STK32B: variants seen among roughly 807,000 people sequenced by gnomAD.
STK32B encodes the protein serine/threonine kinase 32B, also known as serine/threonine-protein kinase 32B.
A neutral mutation model predicts 52.6 loss-of-function variants in STK32B; 43 were observed. That is an observed-to-expected ratio of 0.82 (90% CI 0.64 to 1.05). The LOEUF (loss-of-function observed/expected upper bound fraction) is 1.05. Among genes scored for constraint, STK32B ranks in the 50% least tolerant of loss-of-function variants. The pLI, the probability that STK32B is intolerant of heterozygous loss-of-function variation, is 0.00. For missense variants in STK32B, 621 were observed against 534.6 expected, an observed-to-expected ratio of 1.16 and a Z score of -1.59; for synonymous variants, 238 against 204.3, an observed-to-expected ratio of 1.17 and a Z score of -1.41.
intron 3 of STK32B, among the ~76,000 whole-genome samples, chr4:5,215,697 C>G (rs553747593): frequency 6.6e-6 from 1 of 152,216 alleles, no homozygotes; most frequent in Non-Finnish European, 1.5e-5. Flanking sequence ...GTTGTTTAAA[C>G]CAAAGCCACT....
chr4:5,070,580 G>C (rs1031832077), intron 1 of STK32B, among the ~76,000 whole-genome samples: 1 of 152,176 alleles, frequency 6.6e-6, no homozygotes, highest in Non-Finnish European at 1.5e-5. Context: ...CTTACTTGGA[G>C]ATACAGGATA....
At chr4:5,162,709 A>G (rs1718540659) in intron 2 of STK32B, among the ~76,000 whole-genome samples, 1 of 152,172 alleles carries the variant, frequency 6.6e-6, no homozygotes, top group Non-Finnish European at 1.5e-5. Context: ...GCTTGCTGTC[A>G]CCTCATTAAC....
chr4:5,052,251 C>G (rs994756021), intron 1 of STK32B, among the ~76,000 whole-genome samples: 1 of 152,026 alleles, frequency 6.6e-6, no homozygotes, highest in Admixed American at 6.5e-5. Flanking sequence ...GGCTCGGGCT[C>G]CCCAGGAAAC....
chr4:5,124,762 G>A (rs367965745), intron 1 of STK32B, among the ~76,000 whole-genome samples: 2 of 152,192 alleles, frequency 1.3e-5, no homozygotes, highest in Admixed American at 6.5e-5. Context: ...ATAGATGCAC[G>A]TGTGTGTTTT....
chr4:5,296,982 A>C (rs922623238), intron 3 of STK32B, among the ~76,000 whole-genome samples: 1 of 152,172 alleles, frequency 6.6e-6, no homozygotes, highest in Non-Finnish European at 1.5e-5. Flanking sequence ...GGTGGTGACA[A>C]AATCCCTCAG....
At chr4:5,208,334 G>A (rs1722705804) in intron 3 of STK32B, among the ~76,000 whole-genome samples, 5 of 152,190 alleles carry the variant, frequency 3.3e-5, no homozygotes, top group South Asian at 2.1e-4. Context: ...ATATTGCTGA[G>A]TAGAATGATT....
intron 1 of STK32B, among the ~76,000 whole-genome samples, chr4:5,134,055 T>G (rs547824337): frequency 6.6e-6 from 1 of 152,316 alleles, no homozygotes; most frequent in South Asian, 2.1e-4. Flanking sequence ...CTCTCTCTGC[T>G]GCAGCCCAAT....
chr4:5,426,970 A>G (rs950715789), intron 6 of STK32B: 2 of 152,208 alleles, frequency 1.3e-5, no homozygotes, highest in Admixed American at 6.5e-5. Context: ...AAACACCACT[A>G]TACTTAGACC....
At chr4:5,450,688 G>A (rs1715911960) in intron 7 of STK32B, among the ~76,000 whole-genome samples, 1 of 152,176 alleles carries the variant, frequency 6.6e-6, no homozygotes, top group South Asian at 2.1e-4. Context: ...GAAGAAATTA[G>A]TAATTATATC....
Position 5,438,542 on chromosome 4 carries a change from C to T in STK32B, c.563-8131C>T, listed in dbSNP as rs369713882. 1.3e-3 allele frequency among the ~76,000 whole-genome samples: 197 copies of T among 152,248 alleles called. 1 individual carries two copies. The highest frequency in any genetic ancestry group is 3.8e-3 in the African/African-American group (159 of 41,530). On this transcript the variant is annotated intron_variant, in intron 6 of 11. Coordinates refer to ENST00000282908, the MANE Select transcript of STK32B (RefSeq NM_018401.3). ...ATTTCTGGTTTGGGTAACTGATGGA[C>T]GATGGGGAGGCCAAGCATGGCAGAG...
intron 2 of STK32B, among the ~76,000 whole-genome samples, chr4:5,141,522 T>G (rs1716451514): frequency 6.6e-6 from 1 of 151,872 alleles, no homozygotes; most frequent in Admixed American, 6.5e-5. Context: ...AGAGAAGGCT[T>G]GGGGGTTTCT....
chr4:5,268,067 C>G (rs903669806), intron 3 of STK32B, among the ~76,000 whole-genome samples: 2 of 152,178 alleles, frequency 1.3e-5, no homozygotes, highest in Non-Finnish European at 2.9e-5. Context: ...TGCCAGCAGC[C>G]TGTGGACTGA....
At chr4:5,150,444 T>G (rs1451155944) in intron 2 of STK32B, among the ~76,000 whole-genome samples, 1 of 152,180 alleles carries the variant, frequency 6.6e-6, no homozygotes. Context: ...TCCTGGACAT[T>G]GTGGGTGTTA....
At chr4:5,082,570 A>G (rs1019016845) in intron 1 of STK32B, among the ~76,000 whole-genome samples, 4 of 152,204 alleles carry the variant, frequency 2.6e-5, no homozygotes, top group Non-Finnish European at 4.4e-5. Flanking sequence ...ATCCGTATCT[A>G]TTGCCTGCTG....
chr4:5,280,742 C>CA lies in STK32B; in HGVS notation c.261-50471dup, dbSNP rs568215244. On this transcript the variant is annotated intron_variant, in intron 3 of 11. Coordinates refer to ENST00000282908, the MANE Select transcript of STK32B (RefSeq NM_018401.3). ...AAACCACATCTCTACTAAAAACACACAAAAAAATTAGCCAGGCATGGTGGT... is the reference window on the plus strand; with the variant it reads ...AAACCACATCTCTACTAAAAACACACAAAAAAAATTAGCCAGGCATGGTGGT... Among the ~76,000 whole-genome samples, 495 of 151,698 alleles carry CA rather than the reference C, an allele frequency of 3.3e-3. 2 individuals carry two copies. Among genetic ancestry groups the CA allele is most frequent in the African/African-American group, 0.011 (472 of 41,396 alleles).
Position 5,446,754 on chromosome 4 carries a change from C to G in STK32B, c.644C>G (p.Ala215Gly). The change falls in exon 7 of 12, where the codon GCC (alanine) becomes GGC (glycine). Residue 215 changes from alanine (A) to glycine (G), a missense_variant. By Grantham distance (60) the Ala-to-Gly change is moderately conservative. Transcript: ENST00000282908. ...GACTGGTGGTCCCTGGGCATCACAG[C>G]CTATGAGCTGCTGCGGGGCTGGGTA... ...PVDWWSLGITAYELLRGWRPY... is the reference protein window; with the variant it reads ...PVDWWSLGITGYELLRGWRPY... 1.9e-6 allele frequency: 3 copies of G among 1,614,010 alleles called. No individual in the cohort carries two copies. The highest frequency in any genetic ancestry group is 1.7e-6 in the Non-Finnish European group (2 of 1,179,964).
chr4:5,150,094 G>T (rs1462403632), intron 2 of STK32B, among the ~76,000 whole-genome samples: 4 of 151,920 alleles, frequency 2.6e-5, no homozygotes, highest in Non-Finnish European at 4.4e-5. Context: ...ATTAAACTTT[G>T]AATCATTATT....
chr4:5,136,895 A>C (rs1716111767), intron 1 of STK32B, among the ~76,000 whole-genome samples: 1 of 152,170 alleles, frequency 6.6e-6, no homozygotes, highest in Admixed American at 6.5e-5. Flanking sequence ...ATCTACATCC[A>C]ATCTAGTCCA....
intron 3 of STK32B, among the ~76,000 whole-genome samples, chr4:5,246,902 G>A (rs113268892): frequency 0.02 from 3,117 of 152,270 alleles, 107 homozygotes; most frequent in African/African-American, 0.064. Context: ...TTGGTGAGCC[G>A]CAAATGCTGC....
Sources: gnomAD v4.1 joint callset for allele counts (sites outside exome capture counted in the v4.1 genomes callset) on GRCh38, gnomAD v4.1.1 for gene constraint, MANE v1.5 for transcripts, NCBI Gene and HGNC (gene_info 2026-07-23, HGNC 2026-07-21) for gene names.